BCAS3: variants seen among roughly 807,000 people sequenced by gnomAD.
The protein encoded by BCAS3 is BCAS4/BCAS3 fusion.
Under a neutral mutation model 116.1 loss-of-function variants are expected in BCAS3, and 53 were observed. The ratio of observed to expected loss-of-function variants is 0.46; its 90% CI spans 0.37 to 0.57. The LOEUF is 0.57. Ranked by LOEUF, BCAS3 falls within the 20% of genes least tolerant of loss-of-function variation. BCAS3 has a pLI of 0.00. For missense variants in BCAS3, 917 were observed against 1,165.4 expected (o/e 0.79, Z 3.10); for synonymous variants, 391 against 408.2 (o/e 0.96, Z 0.51).
chr17:60,799,928 G>A (rs1333465634), intron 6 of BCAS3, among the ~76,000 whole-genome samples: 3 of 151,728 alleles, frequency 2.0e-5, no homozygotes, highest in Non-Finnish European at 4.4e-5. Flanking sequence ...TCTATCAGTA[G>A]TTAATTCCTT....
At position 61,376,708 on chromosome 17, in the gene BCAS3, A is replaced by T. The variant is rs1238380091; in HGVS notation, c.2593+8214A>T. On this transcript the variant is annotated intron_variant, in intron 23 of 23. Transcript: ENST00000407086. This position sits in a 1 kb window ranked among gnomAD's most constrained non-coding sequence, Gnocchi z 4.5. ...CCAAAGTCTCTAGGCTTCTCTGGGTAATATCTCTGATTGCCCAGTGCTCCT... is the reference window on the plus strand; with the variant it reads ...CCAAAGTCTCTAGGCTTCTCTGGGTTATATCTCTGATTGCCCAGTGCTCCT... 6.6e-6 allele frequency among the ~76,000 whole-genome samples: 1 copy of T among 152,180 alleles called. No homozygotes were observed. The highest frequency in any genetic ancestry group is 1.5e-5 in the Non-Finnish European group (1 of 68,022).
chr17:60,826,499 G>T (rs1357601546), intron 7 of BCAS3, among the ~76,000 whole-genome samples: 1 of 152,156 alleles, frequency 6.6e-6, no homozygotes, highest in Non-Finnish European at 1.5e-5. Flanking sequence ...TTTAGCATAT[G>T]AATTTTGGGG....
rs541909298 is a variant in BCAS3, at chr17:61,337,882, C to G, written c.2426-30445C>G. On this transcript the variant is annotated intron_variant, in intron 22 of 23. Coordinates refer to ENST00000407086, the MANE Select transcript of BCAS3 (RefSeq NM_017679.5). This position sits in a 1 kb window ranked among gnomAD's most constrained non-coding sequence, Gnocchi z 4.8. ...GTCCTGCAAGGAAGATAGTTCTATC[C>G]CATTTTATAGTTGAGGAAACCAAGG... Among the ~76,000 whole-genome samples, 27 of 152,182 alleles carry G rather than the reference C, an allele frequency of 1.8e-4. No homozygotes were observed. Among genetic ancestry groups the G allele is most frequent in the Admixed American group, 8.5e-4 (13 of 15,292 alleles).
At chr17:60,724,327 G>A (rs2039584544) in intron 5 of BCAS3, among the ~76,000 whole-genome samples, 1 of 151,338 alleles carries the variant, frequency 6.6e-6, no homozygotes, top group Non-Finnish European at 1.5e-5. Flanking sequence ...GGTAGCTGAG[G>A]CGTGGGAATT....
chr17:61,337,759 T>C lies in BCAS3; in HGVS notation c.2426-30568T>C, dbSNP rs2056838267. Among the ~76,000 whole-genome samples, 1 of 152,182 alleles carries C rather than the reference T, an allele frequency of 6.6e-6. No homozygotes were observed. Among genetic ancestry groups the C allele is most frequent in the South Asian group, 2.1e-4 (1 of 4,830 alleles). ...TCTAGCCTTAAAGTGTCCACTAGGT[T>C]CTTGGCTGAAACCTTTCAGCATTTC... On this transcript the variant is annotated intron_variant, in intron 22 of 23. Transcript: ENST00000407086. The surrounding 1 kb of genome is among the most constrained non-coding windows in gnomAD (Gnocchi z 4.8).
chr17:60,847,898 A>G, intron 7 of BCAS3, among the ~76,000 whole-genome samples: 1 of 152,202 alleles, frequency 6.6e-6, no homozygotes, highest in East Asian at 1.9e-4. Context: ...TTGGTATCAT[A>G]TCTGAGAATC....
In BCAS3 at chr17:61,336,437, C is replaced by T. The variant is rs59936621; in HGVS notation, c.2426-31890C>T. Reference sequence around the variant, plus strand: ...GCTTCTTTCCCCTGGTCTTTGTCAGCGTCCTCCCACGGAGAGCTTCAAGCT... The same window carrying T: ...GCTTCTTTCCCCTGGTCTTTGTCAGTGTCCTCCCACGGAGAGCTTCAAGCT... On this transcript the variant is annotated intron_variant, in intron 22 of 23. Coordinates refer to ENST00000407086, the MANE Select transcript of BCAS3 (RefSeq NM_017679.5). Among the ~76,000 whole-genome samples, 1,230 of 152,304 alleles carry T rather than the reference C, an allele frequency of 8.1e-3. 19 individuals carry two copies. The highest frequency in any genetic ancestry group is 0.028 in the African/African-American group (1,177 of 41,560).
intron 6 of BCAS3, among the ~76,000 whole-genome samples, chr17:60,779,220 CTT>C (rs1380225876): frequency 6.6e-6 from 1 of 151,806 alleles, no homozygotes; most frequent in Non-Finnish European, 1.5e-5. Context: ...AAATTCAGAA[CTT>C]TTTGAGTGCT....
chr17:61,288,871 C>CA (rs1245492383), intron 22 of BCAS3, among the ~76,000 whole-genome samples: 9 of 152,144 alleles, frequency 5.9e-5, no homozygotes, highest in Non-Finnish European at 1.3e-4. Context: ...CCTTGGTATT[C>CA]AAAAAAGCCT....
chr17:61,240,802 G>A (rs1249139688), intron 22 of BCAS3, among the ~76,000 whole-genome samples: 1 of 152,036 alleles, frequency 6.6e-6, no homozygotes, highest in African/African-American at 2.4e-5. Context: ...ATAACTAAAG[G>A]GTCCATTTCT....
At position 61,241,962 on chromosome 17, in the gene BCAS3, C is replaced by T. The variant is rs986442092; in HGVS notation, c.2426-126365C>T. 2.0e-5 allele frequency among the ~76,000 whole-genome samples: 3 copies of T among 152,068 alleles called. No homozygotes were observed. Among genetic ancestry groups the T allele is most frequent in the Non-Finnish European group, 2.9e-5 (2 of 68,006 alleles). Reference sequence around the variant, plus strand: ...TAAGTATATCTGGGACCAGAAATGGCTCTTGTTATCCAAGGTAAAGAATCC... The same window carrying T: ...TAAGTATATCTGGGACCAGAAATGGTTCTTGTTATCCAAGGTAAAGAATCC... On this transcript the variant is annotated intron_variant, in intron 22 of 23. Transcript: ENST00000407086. This position sits in a 1 kb window ranked among gnomAD's most constrained non-coding sequence, Gnocchi z 4.6.
chr17:60,693,721 T>C (rs1481566512), intron 4 of BCAS3, among the ~76,000 whole-genome samples: 6 of 151,568 alleles, frequency 4.0e-5, no homozygotes. Context: ...CATGGCCAGT[T>C]CTAATATCAA....
intron 22 of BCAS3, among the ~76,000 whole-genome samples, chr17:61,176,711 A>G (rs545704257): frequency 6.6e-6 from 1 of 151,872 alleles, no homozygotes; most frequent in East Asian, 1.9e-4. Context: ...TCATGTGCCA[A>G]CATGTCCCAA....
chr17:61,143,215 T>C (rs561646087), intron 22 of BCAS3, among the ~76,000 whole-genome samples: 7 of 152,354 alleles, frequency 4.6e-5, no homozygotes, highest in African/African-American at 9.6e-5. Flanking sequence ...TACTTAGTAA[T>C]TGGAGTCAGC....
chr17:60,988,812 TTTTG>T (rs1353794946), intron 14 of BCAS3, among the ~76,000 whole-genome samples: 5 of 152,092 alleles, frequency 3.3e-5, no homozygotes, highest in African/African-American at 7.2e-5. Context: ...GATTTGTCAA[TTTTG>T]TTTATCTTTT....
At chr17:60,931,331 A>G (rs149306233) in intron 13 of BCAS3, among the ~76,000 whole-genome samples, 3,107 of 152,206 alleles carry the variant, frequency 0.02, 42 homozygotes, top group Non-Finnish European at 0.03. Context: ...GCTGGAGTGC[A>G]GTGGCACAAT....
chr17:61,216,446 T>C (rs748046594), intron 22 of BCAS3, among the ~76,000 whole-genome samples: 1 of 152,252 alleles, frequency 6.6e-6, no homozygotes, highest in Non-Finnish European at 1.5e-5. Flanking sequence ...AATCGACATA[T>C]CAAATTGAAA....
At chr17:61,301,655 T>G (rs953918343) in intron 22 of BCAS3, among the ~76,000 whole-genome samples, 3 of 152,094 alleles carry the variant, frequency 2.0e-5, no homozygotes, top group African/African-American at 7.2e-5. Flanking sequence ...AAAGACTGAT[T>G]TCTCTTGGTT....
intron 14 of BCAS3, among the ~76,000 whole-genome samples, chr17:60,975,241 T>C (rs1180709621): frequency 2.6e-5 from 4 of 151,976 alleles, no homozygotes; most frequent in Admixed American, 2.0e-4. Context: ...GACCTCATGA[T>C]CCACCCGCCT....
Sources: allele counts gnomAD v4.1 joint callset (sites outside exome capture counted in the v4.1 genomes callset), GRCh38; gene constraint gnomAD v4.1.1; non-coding constraint Gnocchi (gnomAD v3.1); transcripts MANE v1.5; gene names NCBI Gene and HGNC (gene_info 2026-07-23, HGNC 2026-07-21).